NCOA6: variants seen among roughly 807,000 people sequenced by gnomAD.
NCOA6 encodes the protein NRC RAP250.
A neutral mutation model predicts 171.4 loss-of-function variants in NCOA6; 49 were observed. The ratio of observed to expected loss-of-function variants is 0.29; its 90% CI spans 0.23 to 0.36. The LOEUF is 0.36. Ranked by LOEUF, NCOA6 falls within the 10% of genes least tolerant of loss-of-function variation. The probability of loss-of-function intolerance (pLI) is 1.00; values close to 1 mark genes in which losing one functional copy is unlikely to be tolerated. For synonymous variants in NCOA6, 910 were observed against 927.5 expected, an observed-to-expected ratio of 0.98 and a Z score of 0.34; for missense variants, 2,248 against 2,554.5, an observed-to-expected ratio of 0.88 and a Z score of 2.59.
chr20:34,804,258 A>G (rs959661840), intron 1 of NCOA6, among the ~76,000 whole-genome samples: 7 of 150,678 alleles, frequency 4.6e-5, no homozygotes, highest in Non-Finnish European at 7.4e-5. Context: ...AATCATTTGA[A>G]TCCAGGAGGT....
Position 34,749,894 on chromosome 20 carries a change from C to A in NCOA6, c.2301G>T (p.Leu767=), listed in dbSNP as rs760032801. ...TGTTGTTCACAGGCCCTTGCTGGGG[C>A]AGCATCTGTCCTGACATCTGTCCCG... ...QFTGQMSGQM[L]PQQGPVNNSP... The change falls in exon 9 of 15, where the codon CTG becomes CTT. Residue 767 remains leucine (L), a synonymous_variant. Transcript: ENST00000359003. 1.9e-6 allele frequency: 3 copies of A among 1,614,126 alleles called. No homozygotes were observed. The African/African-American group carries it at 4.0e-5, about 22-fold the overall frequency.
In NCOA6 at chr20:34,750,237, G is replaced by A. The variant is rs752636175; in HGVS notation, c.1958C>T (p.Ala653Val). The A allele has an allele frequency of 6.2e-7, 1 of 1,610,870 alleles. No individual in the cohort carries two copies. Among genetic ancestry groups the A allele is most frequent in the South Asian group, 1.1e-5 (1 of 90,748 alleles). The change falls in exon 9 of 15, where the codon GCC becomes GTC. Residue 653 changes from alanine to valine, a missense_variant. Transcript: ENST00000359003. The stretch of plus-strand genomic sequence containing the variant: ...CATCTGGCCCTGTGGCATAAGCTGG[G>A]CCCTTGAAAGGATCATAGGGTTCTG... ...NPQNPMILSR[A>V]QLMPQGQMMV...
chr20:34,719,680 T>C (rs1989072603), intron 14 of NCOA6, among the ~76,000 whole-genome samples: 1 of 151,560 alleles, frequency 6.6e-6, no homozygotes, highest in Non-Finnish European at 1.5e-5. Flanking sequence ...AAAAGGTGAT[T>C]TGCCTATTCA....
Position 34,714,959 on chromosome 20 carries a change from C to A in NCOA6, c.*363G>T. On this transcript the variant is annotated 3_prime_UTR_variant, in exon 15 of 15. Coordinates refer to ENST00000359003, the MANE Select transcript of NCOA6 (RefSeq NM_014071.5). ...AATGAGAAGATTGCTTTTGCCCCCA[C>A]TACTGCTATTCACACACAGTACTTC... is the stretch of plus-strand genomic sequence containing the variant. 5.6e-6 allele frequency: 1 copy of A among 179,074 alleles called. No homozygotes were observed. Among genetic ancestry groups the A allele is most frequent in the South Asian group, 1.2e-4 (1 of 8,412 alleles). 11.1% of individuals were successfully genotyped at this position (179,074 alleles called of 1,614,324 possible).
At chr20:34,783,325 G>T (rs2077566503) in intron 2 of NCOA6, among the ~76,000 whole-genome samples, 1 of 152,108 alleles carries the variant, frequency 6.6e-6, no homozygotes, top group South Asian at 2.1e-4. Context: ...CTTTATGGAG[G>T]TAAAGAACTG....
At chr20:34,790,432 G>A (rs1159249563) in intron 2 of NCOA6, among the ~76,000 whole-genome samples, 1 of 152,126 alleles carries the variant, frequency 6.6e-6, no homozygotes, top group Non-Finnish European at 1.5e-5. Context: ...TCGGCTCACT[G>A]TAAGCTCCGC....
intron 8 of NCOA6, among the ~76,000 whole-genome samples, chr20:34,752,806 T>G (rs1454999388): frequency 6.6e-6 from 1 of 151,364 alleles, no homozygotes; most frequent in African/African-American, 2.4e-5. Context: ...TCCCAGCTAC[T>G]TGGGAAGCTG....
In NCOA6 at chr20:34,775,636, G is replaced by A. The variant is rs375987495; in HGVS notation, c.391+657C>T. Among the ~76,000 whole-genome samples the A allele has an allele frequency of 5.9e-4, 75 of 126,578 alleles. No homozygotes were observed. In the East Asian group the frequency reaches 0.013, roughly 21 times the overall value. The allele number at this position is 126,578 out of a possible 152,430, so 83.0% of individuals were successfully genotyped here. On this transcript the variant is annotated intron_variant, in intron 4 of 14. Transcript: ENST00000359003. ...GGAGGTGGAGGTTGCAGTGAGCTGAGATCATGCCACTACACTCCATCCTGG... is the reference window on the plus strand; with the variant it reads ...GGAGGTGGAGGTTGCAGTGAGCTGAAATCATGCCACTACACTCCATCCTGG...
At chr20:34,793,674 C>T (rs1157321428) in intron 1 of NCOA6, among the ~76,000 whole-genome samples, 4 of 145,320 alleles carry the variant, frequency 2.8e-5, no homozygotes, top group Non-Finnish European at 4.5e-5. Context: ...AGTTCAAATG[C>T]AAAAAAAAAT....
chr20:34,810,758 G>GTGTTAGCCAGGA (rs1383907861), intron 1 of NCOA6, among the ~76,000 whole-genome samples: 3 of 151,670 alleles, frequency 2.0e-5, no homozygotes, highest in African/African-American at 7.3e-5. Flanking sequence ...CGGTTTCACC[G>GTGTTAGCCAGGA]TGGTCTCGAT....
At position 34,775,305 on chromosome 20, in the gene NCOA6, GGT is replaced by G. The variant is rs112658298; in HGVS notation, c.391+986_391+987del. Among the ~76,000 whole-genome samples, 461 of 147,916 alleles carry G rather than the reference GGT, an allele frequency of 3.1e-3. 1 individual carries two copies. The highest frequency in any genetic ancestry group is 5.0e-3 in the Non-Finnish European group (330 of 66,524). ...AGGGGTGTAGGGTTATAGGGGTGTA[GGT>G]GTGTGTGTGTGTGTGTGTGTGTCTG... On this transcript the variant is annotated intron_variant, in intron 4 of 14. Coordinates refer to ENST00000359003, the MANE Select transcript of NCOA6 (RefSeq NM_014071.5).
intron 1 of NCOA6, among the ~76,000 whole-genome samples, chr20:34,818,964 C>T (rs890002367): frequency 2.6e-5 from 4 of 152,184 alleles, no homozygotes; most frequent in African/African-American, 9.7e-5. Context: ...GTGGTAATTT[C>T]TAATACAGTA....
At position 34,818,337 on chromosome 20, in the gene NCOA6, G is replaced by A. The variant is rs375212120; in HGVS notation, c.-164+7135C>T. Among the ~76,000 whole-genome samples, 11 of 152,172 alleles carry A rather than the reference G, an allele frequency of 7.2e-5. 1 individual carries two copies. Among genetic ancestry groups the A allele is most frequent in the African/African-American group, 2.6e-4 (11 of 41,528 alleles). ...CCACTGCACTCCAGCCTGGGCAACA[G>A]AGTAAGACCCTGGTTCTATTTAAAA... On this transcript the variant is annotated intron_variant, in intron 1 of 14. Transcript: ENST00000359003.
chr20:34,813,128 C>G (rs2078722508), intron 1 of NCOA6, among the ~76,000 whole-genome samples: 1 of 149,994 alleles, frequency 6.7e-6, no homozygotes, highest in Non-Finnish European at 1.5e-5. Flanking sequence ...CATTGCACTC[C>G]AGCCTGGGAG....
In NCOA6 at chr20:34,742,829, C is replaced by A; in HGVS notation, c.3427G>T (p.Val1143Phe). The change falls in exon 11 of 15, where the codon GTC becomes TTC. Residue 1143 changes from valine (V) to phenylalanine (F), a missense_variant. Val to Phe is a conservative substitution (Grantham distance 50). Around this residue, in one of 7 missense-constraint regions of NCOA6, gnomAD observed 352 missense variants for 419.1 expected, o/e 0.84. Transcript: ENST00000359003. ...GGCATGTTGTTTGGGCCTCCTGGGA[C>A]AGATGGTGCTTCACTGCCACTTGCT... ...PEASGSEAPS[V>F]PGGPNNMPSH... 2 of 1,614,194 alleles carry A rather than the reference C, an allele frequency of 1.2e-6. No individual in the cohort carries two copies. Among genetic ancestry groups the A allele is most frequent in the Non-Finnish European group, 1.7e-6 (2 of 1,180,034 alleles).
intron 14 of NCOA6, among the ~76,000 whole-genome samples, chr20:34,722,311 G>A (rs1359388842): frequency 2.6e-5 from 4 of 151,596 alleles, no homozygotes; most frequent in Non-Finnish European, 4.4e-5. Context: ...AACCTGGGAG[G>A]CGGAGGTTGC....
intron 1 of NCOA6, among the ~76,000 whole-genome samples, chr20:34,818,061 A>C (rs1444728540): frequency 6.6e-6 from 1 of 152,230 alleles, no homozygotes; most frequent in Admixed American, 6.5e-5. Context: ...ATCAATTGTT[A>C]GCTCTCTTCT....
intron 1 of NCOA6, among the ~76,000 whole-genome samples, chr20:34,801,510 A>T (rs1202702329): frequency 6.6e-6 from 1 of 152,214 alleles, no homozygotes; most frequent in Non-Finnish European, 1.5e-5. Context: ...AAAAGGAGAC[A>T]TTACAACTGA....
chr20:34,721,042 G>A (rs1231110606), intron 14 of NCOA6, among the ~76,000 whole-genome samples: 1 of 151,972 alleles, frequency 6.6e-6, no homozygotes, highest in Non-Finnish European at 1.5e-5. Flanking sequence ...CTGGCTCACA[G>A]CTCCTATAAC....
Sources: allele counts gnomAD v4.1 joint callset (sites outside exome capture counted in the v4.1 genomes callset), GRCh38; gene constraint gnomAD v4.1.1; regional missense constraint gnomAD v4.1.1; transcripts MANE v1.5; gene names NCBI Gene and HGNC (gene_info 2026-07-23, HGNC 2026-07-21).